The following MARCHF1 variants were observed in gnomAD, a reference collection of about 807,000 sequenced individuals.
The protein encoded by MARCHF1 is E3 ubiquitin-protein ligase MARCHF1.
In MARCHF1, 40 loss-of-function variants were observed where a neutral mutation model predicts 54.2. That is an observed-to-expected ratio of 0.74 (90% confidence interval 0.57 to 0.96). The LOEUF (loss-of-function observed/expected upper bound fraction) is 0.96. Among genes scored for constraint, MARCHF1 ranks in the 40% least tolerant of loss-of-function variants. The pLI, the probability that MARCHF1 is intolerant of heterozygous loss-of-function variation, is 0.00. For synonymous variants in MARCHF1, 236 were observed against 236.3 expected (o/e 1.00, Z 0.01); for missense variants, 586 against 656.5 (o/e 0.89, Z 1.17).
At chr4:163,539,472 TTA>T (rs1368819869) in intron 9 of MARCHF1, among the ~76,000 whole-genome samples, 1 of 152,248 alleles carries the variant, frequency 6.6e-6, no homozygotes, top group East Asian at 1.9e-4. Context: ...TTCATTATTG[TTA>T]TTATCTGTGT....
At position 164,051,697 on chromosome 4, in the gene MARCHF1, T is replaced by C. The variant is rs562597018; in HGVS notation, c.-248+59891A>G. Among the ~76,000 whole-genome samples, 58 of 152,300 alleles carry C rather than the reference T, an allele frequency of 3.8e-4. 1 individual carries two copies. In the South Asian group the frequency reaches 7.2e-3, roughly 19 times the overall value. On this transcript the variant is annotated intron_variant, in intron 2 of 9. Transcript: ENST00000514618. ...TAACTACAAAGTAGCAAAGCCAGCA[T>C]TTATCCTAGGTCTAACTGATTCCCT...
intron 3 of MARCHF1, among the ~76,000 whole-genome samples, chr4:163,900,351 T>TA (rs35805253): frequency 8.0e-5 from 12 of 150,600 alleles, no homozygotes; most frequent in South Asian, 6.3e-4. Context: ...TTTTTTTTTT[T>TA]AAAAAAACTC....
chr4:163,545,862 A>G, intron 8 of MARCHF1, 119 bp from the exon 9 acceptor site: 3 of 798,990 alleles, frequency 3.8e-6, no homozygotes, highest in East Asian at 2.5e-5. Context: ...GCAATTTCAG[A>G]TGACACTGTA....
intron 4 of MARCHF1, among the ~76,000 whole-genome samples, chr4:163,820,296 T>C (rs1579312910): frequency 6.6e-6 from 1 of 152,088 alleles, no homozygotes; most frequent in African/African-American, 2.4e-5. Flanking sequence ...ATCTCTTTTA[T>C]AAACTTCCAT....
intron 1 of MARCHF1, among the ~76,000 whole-genome samples, chr4:164,298,096 T>C (rs1734457786): frequency 1.3e-5 from 2 of 152,114 alleles, no homozygotes; most frequent in Non-Finnish European, 2.9e-5. Context: ...AATAGAGTTT[T>C]AAAAGACCCT....
chr4:163,990,082 T>C (rs905455229), intron 2 of MARCHF1, among the ~76,000 whole-genome samples: 1 of 152,248 alleles, frequency 6.6e-6, no homozygotes, highest in African/African-American at 2.4e-5. Flanking sequence ...AGATCTGTAC[T>C]GCTGTTGGCA....
chr4:164,012,857 G>A (rs1056132751), intron 2 of MARCHF1, among the ~76,000 whole-genome samples: 8 of 152,240 alleles, frequency 5.3e-5, no homozygotes, highest in East Asian at 3.9e-4. Flanking sequence ...AACAGTTGCC[G>A]TGACCACAGG....
intron 2 of MARCHF1, among the ~76,000 whole-genome samples, chr4:164,054,340 G>A (rs1348245206): frequency 2.0e-5 from 3 of 152,082 alleles, no homozygotes; most frequent in Admixed American, 2.0e-4. Context: ...CTGTAAACTA[G>A]TTCAACCATT....
At chr4:164,021,846 C>A (rs532552250) in intron 2 of MARCHF1, among the ~76,000 whole-genome samples, 1 of 122,944 alleles carries the variant, frequency 8.1e-6, no homozygotes, top group Non-Finnish European at 1.9e-5. Flanking sequence ...AAAAGTGAAC[C>A]TCCATGTCAA....
At chr4:164,272,193 G>A (rs1733760690) in intron 1 of MARCHF1, among the ~76,000 whole-genome samples, 8 of 151,904 alleles carry the variant, frequency 5.3e-5, no homozygotes, top group Admixed American at 5.3e-4. Context: ...AACTGATACA[G>A]CTACTTTATA....
chr4:163,940,417 A>G (rs1751888575), intron 3 of MARCHF1, among the ~76,000 whole-genome samples: 1 of 152,128 alleles, frequency 6.6e-6, no homozygotes, highest in African/African-American at 2.4e-5. Context: ...AAATATGCCA[A>G]AAAGAGGCAG....
chr4:163,953,635 C>G (rs1052344663), intron 3 of MARCHF1, among the ~76,000 whole-genome samples: 13 of 152,220 alleles, frequency 8.5e-5, no homozygotes, highest in Non-Finnish European at 1.9e-4. Context: ...TTCATATACT[C>G]AATGTCTTAC....
At chr4:164,163,160 GAAGATCCTA>G (rs1730285773) in intron 1 of MARCHF1, among the ~76,000 whole-genome samples, 1 of 151,878 alleles carries the variant, frequency 6.6e-6, no homozygotes, top group Admixed American at 6.6e-5. Flanking sequence ...ATCCCACCTA[GAAGATCCTA>G]AATACAGGAA....
At chr4:164,297,581 C>T (rs568475099) in intron 1 of MARCHF1, among the ~76,000 whole-genome samples, 4 of 151,716 alleles carry the variant, frequency 2.6e-5, no homozygotes, top group Admixed American at 1.3e-4. Flanking sequence ...CTAAGGAAAA[C>T]GATGACTAGA....
At chr4:163,916,796 T>G (rs1751317656) in intron 3 of MARCHF1, among the ~76,000 whole-genome samples, 1 of 152,078 alleles carries the variant, frequency 6.6e-6, no homozygotes, top group African/African-American at 2.4e-5. Context: ...TATCAACACC[T>G]CACACAAGAG....
intron 1 of MARCHF1, among the ~76,000 whole-genome samples, chr4:164,344,337 T>C (rs1730014242): frequency 1.3e-5 from 2 of 152,122 alleles, no homozygotes; most frequent in Admixed American, 6.6e-5. Flanking sequence ...CAGGTTTACT[T>C]ATGTAACAAA....
At chr4:163,566,097 C>T (rs1214071597) in intron 8 of MARCHF1, among the ~76,000 whole-genome samples, 8 of 152,156 alleles carry the variant, frequency 5.3e-5, no homozygotes, top group African/African-American at 1.9e-4. Context: ...TGATACCCTG[C>T]TTCTAAAAAT....
At chr4:163,791,731 ATTTC>A (rs1747778796) in intron 4 of MARCHF1, among the ~76,000 whole-genome samples, 2 of 152,078 alleles carry the variant, frequency 1.3e-5, no homozygotes, top group Admixed American at 6.6e-5. Context: ...CCTTCACCTG[ATTTC>A]TTTCTAATTA....
chr4:164,330,859 T>A (rs1403603719), intron 1 of MARCHF1, among the ~76,000 whole-genome samples: 1 of 152,204 alleles, frequency 6.6e-6, no homozygotes. Context: ...CACCTAAATT[T>A]ATTGAAAAAT....
Sources: allele counts gnomAD v4.1 joint callset (sites outside exome capture counted in the v4.1 genomes callset), GRCh38; gene constraint gnomAD v4.1.1; transcripts MANE v1.5; gene names NCBI Gene and HGNC (gene_info 2026-07-23, HGNC 2026-07-21).